Variants in FRMPD4 observed in about 807,000 individuals in gnomAD.
FRMPD4 encodes FERM and PDZ domain containing 4.
In FRMPD4, 22 loss-of-function variants were observed where a neutral mutation model predicts 94.1. The observed-to-expected ratio is 0.23, with a 90% CI of 0.17 to 0.33. The LOEUF (loss-of-function observed/expected upper bound fraction) is 0.33. FRMPD4 is among the 10% of genes least tolerant of loss of function. The probability of loss-of-function intolerance (pLI) is 1.00; values close to 1 mark genes in which losing one functional copy is unlikely to be tolerated. For synonymous variants in FRMPD4, 631 were observed against 548.6 expected (o/e 1.15, Z -2.10); for missense variants, 1,111 against 1,339.9 (o/e 0.83, Z 2.67).
chrX:12,537,451 TTTCC>T (rs1311111253), intron 2 of FRMPD4, among the ~76,000 whole-genome samples: 1 of 104,359 alleles, frequency 9.6e-6, no homozygotes, highest in Non-Finnish European at 1.9e-5. Flanking sequence ...ATATTTTTTT[TTTCC>T]TTTTTTTTTT....
chrX:12,720,100 G>A (rs1210488574), intron 16 of FRMPD4, among the ~76,000 whole-genome samples: 1 of 108,220 alleles, frequency 9.2e-6, no homozygotes, highest in African/African-American at 3.4e-5. Context: ...AAGAAAGGAG[G>A]AAGAAAGAAA....
intron 3 of FRMPD4, among the ~76,000 whole-genome samples, chrX:11,910,040 G>T (rs998929639): frequency 1.8e-5 from 2 of 111,887 alleles, no homozygotes; most frequent in African/African-American, 3.2e-5. Context: ...AATAGTGTTT[G>T]TCAAGTATTT....
rs1569075466 is a variant in FRMPD4, at chrX:12,717,945, C to G, written c.3119C>G (p.Pro1040Arg). The G allele has an allele frequency of 1.7e-6, 2 of 1,211,443 alleles. No homozygotes were observed. The highest frequency in any genetic ancestry group is 3.5e-5 in the South Asian group (2 of 56,985). The change falls in exon 16 of 17, where the codon CCT becomes CGT. Residue 1040 changes from proline to arginine, a missense_variant. Physicochemically the swap from Pro to Arg is moderately radical, Grantham distance 103. Around this residue, in one of 8 missense-constraint regions of FRMPD4, gnomAD observed 551 missense variants for 591.6 expected, o/e 0.93. Coordinates refer to ENST00000675598, the MANE Select transcript of FRMPD4 (RefSeq NM_001368397.1). The part of the protein sequence containing the change: ...KLADGEGKAP[P>R]NGNTTGKKQQ... The stretch of plus-strand genomic sequence containing the variant: ...GCCGATGGTGAGGGGAAGGCACCCC[C>G]TAATGGGAACACAACAGGAAAAAAA...
intron 3 of FRMPD4, among the ~76,000 whole-genome samples, chrX:11,952,976 A>G (rs1017459017): frequency 8.9e-6 from 1 of 111,899 alleles, no homozygotes; most frequent in Non-Finnish European, 1.9e-5. Flanking sequence ...TAAAATTGGA[A>G]ATGCACTGAG....
intron 3 of FRMPD4, among the ~76,000 whole-genome samples, chrX:12,133,449 C>T (rs857344): frequency 1.9e-5 from 2 of 107,238 alleles, no homozygotes; most frequent in Non-Finnish European, 3.8e-5. Context: ...TTTTCATATA[C>T]GGTCTCACTC....
intron 3 of FRMPD4, among the ~76,000 whole-genome samples, chrX:11,925,166 C>T (rs1212605954): frequency 9.2e-6 from 1 of 108,273 alleles, no homozygotes; most frequent in Non-Finnish European, 1.9e-5. Flanking sequence ...TGAAGAAGGG[C>T]AGTACATAAT....
chrX:12,548,906 TG>T (rs749236907), intron 2 of FRMPD4, among the ~76,000 whole-genome samples: 7 of 111,541 alleles, frequency 6.3e-5, no homozygotes, highest in Non-Finnish European at 1.3e-4. Context: ...AAATAGCTAA[TG>T]GGGCTTGATC....
chrX:12,570,313 T>C (rs746390240), intron 2 of FRMPD4, among the ~76,000 whole-genome samples: 32 of 110,355 alleles, frequency 2.9e-4, no homozygotes, highest in Non-Finnish European at 5.7e-4. Flanking sequence ...TATTTTATTT[T>C]ATTTTATTTT....
At chrX:12,572,023 T>C (rs886966876) in intron 2 of FRMPD4, among the ~76,000 whole-genome samples, 2 of 112,386 alleles carry the variant, frequency 1.8e-5, no homozygotes, top group Non-Finnish European at 3.8e-5. Context: ...GCAATTTGCC[T>C]TCCCTTAAAA....
At chrX:12,645,948 C>T (rs1389750473) in intron 4 of FRMPD4, among the ~76,000 whole-genome samples, 3 of 111,632 alleles carry the variant, frequency 2.7e-5, no homozygotes, top group South Asian at 3.8e-4. Flanking sequence ...ACATTAAAAA[C>T]GGAAATCACG....
chrX:12,584,559 A>T (rs61167660), intron 2 of FRMPD4, among the ~76,000 whole-genome samples: 1 of 110,862 alleles, frequency 9.0e-6, no homozygotes, highest in South Asian at 3.8e-4. Context: ...ACAAAGGAGG[A>T]AAAAAAAAGA....
chrX:12,221,329 A>G (rs2056864579), intron 1 of FRMPD4, among the ~76,000 whole-genome samples: 1 of 112,433 alleles, frequency 8.9e-6, no homozygotes, highest in South Asian at 3.7e-4. Flanking sequence ...AACTAATGCA[A>G]TACTGCTTAG....
chrX:11,901,200 G>A (rs752191997), intron 3 of FRMPD4, among the ~76,000 whole-genome samples: 6 of 111,354 alleles, frequency 5.4e-5, no homozygotes, highest in Non-Finnish European at 1.1e-4. Context: ...CCCATCACCT[G>A]AGCAGTGTAC....
At chrX:12,463,681 G>GTGTGTTTTT (rs1555969426) in intron 1 of FRMPD4, among the ~76,000 whole-genome samples, 4 of 51,046 alleles carry the variant, frequency 7.8e-5, no homozygotes, top group African/African-American at 2.6e-4. Context: ...CTATGTGTGT[G>GTGTGTTTTT]TTTTTTTTTT....
chrX:12,244,368 A>C (rs1453966079), intron 1 of FRMPD4, among the ~76,000 whole-genome samples: 1 of 111,175 alleles, frequency 9.0e-6, no homozygotes, highest in East Asian at 2.8e-4. Flanking sequence ...CACTCTAAGC[A>C]CTTAGTGGAT....
At chrX:12,501,636 A>AT (rs2057922432) in intron 2 of FRMPD4, among the ~76,000 whole-genome samples, 1 of 110,936 alleles carries the variant, frequency 9.0e-6, no homozygotes, top group Non-Finnish European at 1.9e-5. Context: ...TCTCTTGCAT[A>AT]TTTTTTGAAA....
intron 1 of FRMPD4, among the ~76,000 whole-genome samples, chrX:12,194,242 C>A (rs376845599): frequency 9.0e-6 from 1 of 111,105 alleles, no homozygotes; most frequent in Non-Finnish European, 1.9e-5. Flanking sequence ...ATTTCTCATA[C>A]CCTTATGCTA....
chrX:12,352,693 G>T (rs763971931), intron 1 of FRMPD4, among the ~76,000 whole-genome samples: 1 of 112,325 alleles, frequency 8.9e-6, no homozygotes, highest in South Asian at 3.7e-4. Context: ...TGAAGAAAAA[G>T]AGATAATCCT....
chrX:12,086,628 G>A (rs943311999), intron 3 of FRMPD4, among the ~76,000 whole-genome samples: 3 of 111,663 alleles, frequency 2.7e-5, no homozygotes, highest in East Asian at 2.8e-4. Flanking sequence ...GAGGAAGTCC[G>A]GGTGGGATGT....
Sources: allele counts gnomAD v4.1 joint callset (sites outside exome capture counted in the v4.1 genomes callset), GRCh38; gene constraint gnomAD v4.1.1; regional missense constraint gnomAD v4.1.1; transcripts MANE v1.5; gene names NCBI Gene and HGNC (gene_info 2026-07-23, HGNC 2026-07-21).